Variants in COL25A1 observed in about 807,000 individuals in gnomAD.
The protein encoded by COL25A1 is collagen type XXV alpha 1 chain, also known as collagen alpha-1(XXV) chain.
In COL25A1, 103 loss-of-function variants were observed where a neutral mutation model predicts 128.4. The observed-to-expected ratio is 0.80, with a 90% CI of 0.68 to 0.94. The LOEUF is 0.94. Ranked by LOEUF, COL25A1 falls within the 40% of genes least tolerant of loss-of-function variation. COL25A1 has a pLI of 0.00. For synonymous variants in COL25A1, 279 were observed against 277.2 expected (o/e 1.01, Z -0.06); for missense variants, 745 against 840.0 (o/e 0.89, Z 1.40).
chr4:109,222,197 A>T (rs905577312), intron 3 of COL25A1, among the ~76,000 whole-genome samples: 3 of 148,930 alleles, frequency 2.0e-5, no homozygotes, highest in Non-Finnish European at 4.4e-5. Flanking sequence ...CAGAGTAGCT[A>T]AGATTACAGG....
intron 31 of COL25A1, among the ~76,000 whole-genome samples, chr4:108,840,880 C>T (rs563345209): frequency 1.4e-4 from 21 of 152,316 alleles, no homozygotes; most frequent in Non-Finnish European, 2.6e-4. Context: ...ATTAAGTTAT[C>T]ACAGCACTGT....
chr4:108,945,370 C>A (rs1481242588), intron 8 of COL25A1, among the ~76,000 whole-genome samples: 1 of 152,148 alleles, frequency 6.6e-6, no homozygotes, highest in African/African-American at 2.4e-5. Flanking sequence ...GGTGTTGACA[C>A]CTATCTTCAG....
intron 31 of COL25A1, among the ~76,000 whole-genome samples, chr4:108,839,005 T>G (rs1734118511): frequency 6.6e-6 from 1 of 151,564 alleles, no homozygotes; most frequent in South Asian, 2.1e-4. Context: ...GCCAAGAAAA[T>G]CTTGAAGGGC....
intron 3 of COL25A1, among the ~76,000 whole-genome samples, chr4:109,056,342 A>T (rs1761443119): frequency 6.6e-6 from 1 of 152,178 alleles, no homozygotes; most frequent in African/African-American, 2.4e-5. Context: ...TTATAACCTA[A>T]TCAGAGCAAC....
intron 8 of COL25A1, among the ~76,000 whole-genome samples, chr4:108,945,218 A>AAAATTG (rs1748582313): frequency 6.6e-6 from 1 of 152,226 alleles, no homozygotes. Flanking sequence ...TTTAGCATTC[A>AAAATTG]AAATTGAATA....
chr4:108,942,331 G>A, intron 8 of COL25A1: 2 of 1,456,254 alleles, frequency 1.4e-6, no homozygotes, highest in African/African-American at 2.8e-5. Context: ...ATTTCACTAG[G>A]GGACAAACAA....
At chr4:109,266,419 G>A (rs535818981) in intron 3 of COL25A1, among the ~76,000 whole-genome samples, 1 of 152,264 alleles carries the variant, frequency 6.6e-6, no homozygotes, top group East Asian at 1.9e-4. Context: ...ATTTGAAGAA[G>A]GAATGCCAAT....
At chr4:109,025,576 C>T (rs1165379347) in intron 5 of COL25A1, among the ~76,000 whole-genome samples, 1 of 152,162 alleles carries the variant, frequency 6.6e-6, no homozygotes, top group Non-Finnish European at 1.5e-5. Context: ...TTCTAACACC[C>T]AGAGAGTCAA....
intron 3 of COL25A1, among the ~76,000 whole-genome samples, chr4:109,258,632 T>G (rs147077711): frequency 3.0e-4 from 45 of 152,328 alleles, no homozygotes; most frequent in African/African-American, 1.1e-3. Context: ...GGCCAAATAC[T>G]GTATAACACC....
intron 3 of COL25A1, among the ~76,000 whole-genome samples, chr4:109,149,299 G>A (rs1771244121): frequency 6.6e-6 from 1 of 152,040 alleles, no homozygotes; most frequent in Admixed American, 6.6e-5. Context: ...AAGAAAAGTT[G>A]AAAAATATTA....
intron 33 of COL25A1, among the ~76,000 whole-genome samples, chr4:108,826,708 A>C (rs1732432450): frequency 6.6e-6 from 1 of 152,194 alleles, no homozygotes; most frequent in African/African-American, 2.4e-5. Context: ...GAGTCATTTT[A>C]GTAAATAGTC....
rs530269464 is a variant in COL25A1, at chr4:109,194,273, T to G, written c.367+106310A>C. 2.0e-5 allele frequency among the ~76,000 whole-genome samples: 3 copies of G among 152,192 alleles called. No individual in the cohort carries two copies. The South Asian group carries it at 6.2e-4, about 32-fold the overall frequency. ...TGAATATTTGCAGGTATATTTTATCTCCTCCTTTTCAGGTCAGAGGTTACT... is the reference window on the plus strand; with the variant it reads ...TGAATATTTGCAGGTATATTTTATCGCCTCCTTTTCAGGTCAGAGGTTACT... On this transcript the variant is annotated intron_variant, in intron 3 of 37. Transcript: ENST00000399132.
chr4:108,939,031 A>C (rs1747773579), intron 10 of COL25A1, among the ~76,000 whole-genome samples: 1 of 152,218 alleles, frequency 6.6e-6, no homozygotes, highest in Non-Finnish European at 1.5e-5. Flanking sequence ...AGAATGATAT[A>C]ATTTTGGATT....
chr4:109,062,201 T>A (rs1257146645), intron 3 of COL25A1, among the ~76,000 whole-genome samples: 1 of 152,168 alleles, frequency 6.6e-6, no homozygotes, highest in Admixed American at 6.5e-5. Context: ...AAAGGACTTA[T>A]GAAAGGTCCT....
intron 15 of COL25A1, among the ~76,000 whole-genome samples, chr4:108,898,862 AC>A (rs1363924696): frequency 6.6e-6 from 1 of 152,042 alleles, no homozygotes; most frequent in Non-Finnish European, 1.5e-5. Context: ...GTACATCGGC[AC>A]CTTTCTCTTT....
chr4:109,291,040 G>A (rs1724423955), intron 3 of COL25A1, among the ~76,000 whole-genome samples: 2 of 152,118 alleles, frequency 1.3e-5, no homozygotes, highest in South Asian at 4.1e-4. Flanking sequence ...GTGTATTAAA[G>A]AGAAAATAAA....
chr4:109,219,421 G>C (rs1481182166), intron 3 of COL25A1, among the ~76,000 whole-genome samples: 1 of 151,906 alleles, frequency 6.6e-6, no homozygotes. Flanking sequence ...AAGAAAGACT[G>C]AGAACAAATA....
intron 3 of COL25A1, among the ~76,000 whole-genome samples, chr4:109,257,898 G>C (rs1420294405): frequency 1.8e-4 from 28 of 152,206 alleles, no homozygotes; most frequent in Non-Finnish European, 1.0e-4. Flanking sequence ...CACCAACATG[G>C]AGAAGGAAAG....
rs1216568787 is a variant in COL25A1 at position 109,010,401 on chromosome 4, CA to C, written c.421-27del. ...CTGAAATTAAAAAGAAAAAGAAAAA[CA>C]ATTACAAAATTGTATCCTAAGTGAA... On this transcript the variant is annotated intron_variant, in intron 5 of 37. Transcript: ENST00000399132. The C allele has an allele frequency of 5.2e-6, 8 of 1,534,844 alleles. No individual in the cohort carries two copies. In the African/African-American group the frequency reaches 9.9e-5, roughly 19 times the overall value.
Sources: gnomAD v4.1 joint callset for allele counts (sites outside exome capture counted in the v4.1 genomes callset) on GRCh38, gnomAD v4.1.1 for gene constraint, MANE v1.5 for transcripts, NCBI Gene and HGNC (gene_info 2026-07-23, HGNC 2026-07-21) for gene names.